The following PIK3R6 variants were observed in gnomAD, a reference collection of about 807,000 sequenced individuals.
The protein encoded by PIK3R6 is phosphoinositide-3-kinase regulatory subunit 6.
A neutral mutation model predicts 84.9 loss-of-function variants in PIK3R6; 91 were observed. The ratio of observed to expected loss-of-function variants is 1.07; its 90% confidence interval spans 0.90 to 1.28. The LOEUF is 1.28. PIK3R6 is among the 50% of genes most tolerant of loss of function. The pLI, the probability that PIK3R6 is intolerant of heterozygous loss-of-function variation, is 0.00. For synonymous variants in PIK3R6, 416 were observed against 411.4 expected, an observed-to-expected ratio of 1.01 and a Z score of -0.13; for missense variants, 996 against 985.1, an observed-to-expected ratio of 1.01 and a Z score of -0.15.
Position 8,804,248 on chromosome 17 carries a change from T to C in PIK3R6, c.1996-95A>G, listed in dbSNP as rs924257425. On this transcript the variant is annotated intron_variant, in intron 18 of 19. Coordinates refer to ENST00000619866, the MANE Select transcript of PIK3R6 (RefSeq NM_001010855.4). ...CCTGGAATCTGGTGTATTTCTTCAGTCCAGCACATGGGGTCCCCAGCTCTC... is the reference window on the plus strand; with the variant it reads ...CCTGGAATCTGGTGTATTTCTTCAGCCCAGCACATGGGGTCCCCAGCTCTC... The C allele has an allele frequency of 9.4e-5, 97 of 1,026,546 alleles. No homozygotes were observed. In the Middle Eastern group the frequency reaches 1.4e-3, roughly 15 times the overall value. 63.6% of individuals were successfully genotyped at this position (1,026,546 alleles called of 1,614,324 possible).
At chr17:8,860,433 C>G (rs1232518365) in intron 1 of PIK3R6, among the ~76,000 whole-genome samples, 3 of 151,100 alleles carry the variant, frequency 2.0e-5, no homozygotes, top group Admixed American at 6.6e-5. Flanking sequence ...GAATCCATCC[C>G]CATCCCCAGC....
rs756627583 is a variant in PIK3R6, at chr17:8,829,743, G to A, written c.852C>T (p.Tyr284=). 1.3e-6 allele frequency: 2 copies of A among 1,553,730 alleles called. No homozygotes were observed. The highest frequency in any genetic ancestry group is 2.4e-5 in the South Asian group (2 of 84,152). The change falls in exon 10 of 20, where the codon TAC becomes TAT. Residue 284 remains tyrosine (Y), a synonymous_variant. Transcript: ENST00000619866. ...CACCGGTCCACAAGTGGAAGGTGATGTAGGGGCTGGGCAGGGGAATGCTTG... is the reference window on the plus strand; with the variant it reads ...CACCGGTCCACAAGTGGAAGGTGATATAGGGGCTGGGCAGGGGAATGCTTG... ...RPPSIPLPSP[Y]ITFHLWTGEE...
chr17:8,803,669 C>T lies in PIK3R6; in HGVS notation c.2109-240G>A. 1.8e-6 allele frequency: 1 copy of T among 552,480 alleles called. No individual in the cohort carries two copies. The highest frequency in any genetic ancestry group is 3.1e-5 in the East Asian group (1 of 32,452). The allele number at this position is 552,480 out of a possible 1,614,324, so 34.2% of individuals were successfully genotyped here. ...TGCGCATGCCTCCCTTACCCAAACA[C>T]ACCTCCCGAGGGGAAGCCAGTAAGG... On this transcript the variant is annotated intron_variant, in intron 19 of 19. Transcript: ENST00000619866. The surrounding 1 kb of genome is among the most constrained non-coding windows in gnomAD (Gnocchi z 5.0).
rs770028331 is a variant in PIK3R6, at chr17:8,803,269, A to G, written c.*4T>C. On this transcript the variant is annotated 3_prime_UTR_variant, in exon 20 of 20. Transcript: ENST00000619866. This position sits in a 1 kb window ranked among gnomAD's most constrained non-coding sequence, Gnocchi z 5.0. ...TTCCTCCTGGGCCTGCTGTCCCTGC[A>G]GGCTCACTGGACAATACCAGAGAAT... 1 of 1,612,186 alleles carries G rather than the reference A, an allele frequency of 6.2e-7. No homozygotes were observed. Among genetic ancestry groups the G allele is most frequent in the Non-Finnish European group, 8.5e-7 (1 of 1,179,794 alleles).
chr17:8,840,164 A>AATAT (rs201027476), intron 2 of PIK3R6, among the ~76,000 whole-genome samples: 2,256 of 92,568 alleles, frequency 0.024, 208 homozygotes, highest in African/African-American at 0.093. Context: ...ATATATATGA[A>AATAT]ATATAGCCTC....
At chr17:8,837,141 C>A (rs2088500890) in intron 5 of PIK3R6, among the ~76,000 whole-genome samples, 1 of 152,130 alleles carries the variant, frequency 6.6e-6, no homozygotes, top group Admixed American at 6.5e-5. Context: ...TGTCGCCCCG[C>A]CCCAACTTAC....
At chr17:8,822,048 G>T in intron 16 of PIK3R6, 112 bp from the exon 17 acceptor site, 86 of 609,220 alleles carry the variant, frequency 1.4e-4, no homozygotes, top group Non-Finnish European at 1.8e-4. Context: ...CCTGCTGTGA[G>T]AGTCTTTTTT....
intron 12 of PIK3R6, among the ~76,000 whole-genome samples, chr17:8,827,764 GAGAGAGAGAGAGAGAGAGAGAGA>G (rs2087986819): frequency 2.0e-4 from 1 of 5,000 alleles, no homozygotes; most frequent in African/African-American, 1.2e-3. Flanking sequence ...AGAGAGAGAG[GAGAGAGAGAGAGAGAGAGAGAGA>G]GAGAGAGAGA....
intron 10 of PIK3R6, 50 bp downstream of exon 10, chr17:8,829,656 A>G: frequency 1.3e-6 from 2 of 1,510,860 alleles, no homozygotes; most frequent in Non-Finnish European, 1.8e-6. Context: ...GCATACACAC[A>G]CAGACACAGA....
intron 2 of PIK3R6, 68 bp downstream of exon 2, chr17:8,849,714 A>C: frequency 6.5e-7 from 1 of 1,532,438 alleles, no homozygotes; most frequent in Non-Finnish European, 8.8e-7. Flanking sequence ...AGGCATCCTC[A>C]CCCATGAGAA....
intron 10 of PIK3R6, among the ~76,000 whole-genome samples, 186 bp downstream of exon 10, chr17:8,829,520 A>T (rs1214394087): frequency 3.1e-5 from 3 of 97,914 alleles, no homozygotes; most frequent in Non-Finnish European, 6.2e-5. Flanking sequence ...TCATGCATAC[A>T]CACACACTGA....
rs1454209902 is a variant in PIK3R6, at chr17:8,833,061, G to A, written c.646-16C>T. 13 of 1,558,190 alleles carry A rather than the reference G, an allele frequency of 8.3e-6. No homozygotes were observed. The highest frequency in any genetic ancestry group is 1.9e-5 in the Admixed American group (1 of 52,636). ...GAGGGCTGGCCTGTTGGGGAGGGGCGTCAGAGCCTGGGTCTTGGCCCAGCG... is the reference window on the plus strand; with the variant it reads ...GAGGGCTGGCCTGTTGGGGAGGGGCATCAGAGCCTGGGTCTTGGCCCAGCG... On this transcript the variant is annotated splice_polypyrimidine_tract_variant and intron_variant, in intron 8 of 19. Coordinates refer to ENST00000619866, the MANE Select transcript of PIK3R6 (RefSeq NM_001010855.4).
At chr17:8,832,672 G>A (rs2088289304) in intron 9 of PIK3R6, among the ~76,000 whole-genome samples, 1 of 151,712 alleles carries the variant, frequency 6.6e-6, no homozygotes, top group Admixed American at 6.6e-5. Context: ...CCAAAATGCT[G>A]GGTTAACAGG....
Position 8,839,627 on chromosome 17 carries a change from C to T in PIK3R6, c.84G>A (p.Leu28=). The change falls in exon 3 of 20, where the codon CTG becomes CTA. Residue 28 remains leucine (L), a synonymous_variant. Coordinates refer to ENST00000619866, the MANE Select transcript of PIK3R6 (RefSeq NM_001010855.4). The surrounding 1 kb of genome is among the most constrained non-coding windows in gnomAD (Gnocchi z 4.2). ...LRELSTQAPA[L]QSNQGMWRWS... is the part of the protein sequence containing the mutation. ...GCTGGCTCTTACCTTGGTTGCTCTG[C>T]AGGGCAGGGGCCTGGGTGCTGAGCT... is the stretch of plus-strand genomic sequence containing the variant. 1 of 1,572,464 alleles carries T rather than the reference C, an allele frequency of 6.4e-7. No individual in the cohort carries two copies. Among genetic ancestry groups the T allele is most frequent in the Non-Finnish European group, 8.6e-7 (1 of 1,158,626 alleles).
At chr17:8,836,394 G>A (rs971888976) in intron 7 of PIK3R6, among the ~76,000 whole-genome samples, 153 bp downstream of exon 7, 1 of 152,184 alleles carries the variant, frequency 6.6e-6, no homozygotes, top group East Asian at 1.9e-4. Context: ...AATGGCAAAC[G>A]CACCCCACTG....
chr17:8,829,478 T>G (rs1368025446), intron 10 of PIK3R6, among the ~76,000 whole-genome samples: 3 of 111,764 alleles, frequency 2.7e-5, no homozygotes, highest in African/African-American at 1.1e-4. Flanking sequence ...TGACACACAC[T>G]CATGCACGCA....
At chr17:8,838,525 T>C in intron 4 of PIK3R6, 39 bp downstream of exon 4, 1 of 1,554,154 alleles carries the variant, frequency 6.4e-7, no homozygotes, top group South Asian at 1.2e-5. Flanking sequence ...CCTCTCTTCC[T>C]TTCATCCCCG....
rs1169927936 is a variant in PIK3R6 at position 8,842,759 on chromosome 17, T to G, written c.14-3062A>C. Among the ~76,000 whole-genome samples, 2 of 152,184 alleles carry G rather than the reference T, an allele frequency of 1.3e-5. No homozygotes were observed. Among genetic ancestry groups the G allele is most frequent in the African/African-American group, 4.8e-5 (2 of 41,448 alleles). On this transcript the variant is annotated intron_variant, in intron 2 of 19. Coordinates refer to ENST00000619866, the MANE Select transcript of PIK3R6 (RefSeq NM_001010855.4). The surrounding 1 kb of genome is among the most constrained non-coding windows in gnomAD (Gnocchi z 4.5). ...CAAATTGGGGCCCAGCCTCAAAAATTAGCTCATCTCATGTGACAGGGATCT... is the reference window on the plus strand; with the variant it reads ...CAAATTGGGGCCCAGCCTCAAAAATGAGCTCATCTCATGTGACAGGGATCT...
chr17:8,838,065 G>A (rs2088542942), intron 4 of PIK3R6, among the ~76,000 whole-genome samples, 194 bp from the exon 5 acceptor site: 1 of 152,120 alleles, frequency 6.6e-6, no homozygotes, highest in Non-Finnish European at 1.5e-5. Context: ...CTCAGTGAGG[G>A]TGTGGGAGCG....
Sources: allele counts gnomAD v4.1 joint callset (sites outside exome capture counted in the v4.1 genomes callset), GRCh38; gene constraint gnomAD v4.1.1; non-coding constraint Gnocchi (gnomAD v3.1); transcripts MANE v1.5; gene names NCBI Gene and HGNC (gene_info 2026-07-23, HGNC 2026-07-21).